The following OSBPL1A variants were observed in gnomAD, a reference collection of about 807,000 sequenced individuals.
The protein encoded by OSBPL1A is oxysterol-binding protein-related protein 1.
In OSBPL1A, 80 loss-of-function variants were observed where a neutral mutation model predicts 137.1. That is an observed-to-expected ratio of 0.58 (90% confidence interval 0.49 to 0.70). The LOEUF (loss-of-function observed/expected upper bound fraction) is 0.70. Among genes scored for constraint, OSBPL1A ranks in the 30% least tolerant of loss-of-function variants. The pLI, the probability that OSBPL1A is intolerant of heterozygous loss-of-function variation, is 0.00. For synonymous variants in OSBPL1A, 365 were observed against 389.7 expected, an observed-to-expected ratio of 0.94 and a Z score of 0.75; for missense variants, 970 against 1,129.4, an observed-to-expected ratio of 0.86 and a Z score of 2.02.
At chr18:24,230,479 G>A (rs1203351597) in intron 16 of OSBPL1A, among the ~76,000 whole-genome samples, 1 of 152,172 alleles carries the variant, frequency 6.6e-6, no homozygotes, top group Non-Finnish European at 1.5e-5. Context: ...ACAAAAACCT[G>A]TCCCTAAAAG....
At chr18:24,249,900 C>A (rs960001807) in intron 15 of OSBPL1A, among the ~76,000 whole-genome samples, 1 of 152,170 alleles carries the variant, frequency 6.6e-6, no homozygotes, top group Non-Finnish European at 1.5e-5. Context: ...GACTAGGTGG[C>A]ACCTGACCTA....
intron 18 of OSBPL1A, among the ~76,000 whole-genome samples, chr18:24,189,395 T>C (rs1311854318): frequency 2.0e-5 from 3 of 152,182 alleles, no homozygotes; most frequent in Non-Finnish European, 4.4e-5. Context: ...CAGCAGCTTG[T>C]GGGCAGGGTG....
At chr18:24,377,639 G>T in intron 1 of OSBPL1A, 104 bp from the exon 2 acceptor site, 1 of 1,174,004 alleles carries the variant, frequency 8.5e-7, no homozygotes, top group Non-Finnish European at 1.2e-6. Context: ...TTTTGCAGCT[G>T]ATAAGACAGA....
chr18:24,208,186 G>T (rs2145963034), intron 17 of OSBPL1A, among the ~76,000 whole-genome samples: 1 of 152,158 alleles, frequency 6.6e-6, no homozygotes, highest in East Asian at 1.9e-4. Flanking sequence ...AAATAAACTT[G>T]AATTCACAAA....
At chr18:24,315,178 C>T (rs1302305990) in intron 11 of OSBPL1A, among the ~76,000 whole-genome samples, 1 of 152,176 alleles carries the variant, frequency 6.6e-6, no homozygotes, top group African/African-American at 2.4e-5. Flanking sequence ...TAAGGTTTTG[C>T]ACCTGGGACT....
chr18:24,271,976 G>C lies in OSBPL1A; in HGVS notation c.1281+8866C>G, dbSNP rs1276900895. The C allele has an allele frequency of 1.9e-5, 19 of 982,016 alleles. No homozygotes were observed. The highest frequency in any genetic ancestry group is 2.3e-5 in the Non-Finnish European group (19 of 828,750). 60.8% of individuals were successfully genotyped at this position (982,016 alleles called of 1,614,324 possible). On this transcript the variant is annotated intron_variant, in intron 15 of 27. Transcript: ENST00000319481. This position sits in a 1 kb window ranked among gnomAD's most constrained non-coding sequence, Gnocchi z 4.0. Reference sequence around the variant, plus strand: ...ACCCGCCCTCCGGGGCTCGCGGGGAGAGCGCGGGCGGGCGGCGGCAAGGCC... The same window carrying C: ...ACCCGCCCTCCGGGGCTCGCGGGGACAGCGCGGGCGGGCGGCGGCAAGGCC...
intron 11 of OSBPL1A, among the ~76,000 whole-genome samples, chr18:24,315,633 ATATT>A (rs200601823): frequency 0.13 from 13,627 of 103,654 alleles, 918 homozygotes; most frequent in Non-Finnish European, 0.18. Context: ...TTAATTATAT[ATATT>A]ATATAGTAAA....
At chr18:24,310,246 G>A (rs929674541) in intron 13 of OSBPL1A, among the ~76,000 whole-genome samples, 1 of 151,684 alleles carries the variant, frequency 6.6e-6, no homozygotes, top group Non-Finnish European at 1.5e-5. Context: ...GGAATAAACT[G>A]AAAGATATAG....
At chr18:24,279,707 T>G (rs184246627) in intron 15 of OSBPL1A, among the ~76,000 whole-genome samples, 35 of 152,200 alleles carry the variant, frequency 2.3e-4, no homozygotes, top group Admixed American at 2.0e-3. Context: ...TCATAAAAAT[T>G]AGGGGAAAAA....
rs113337417 is a variant in OSBPL1A, at chr18:24,188,397, G to C, written c.1678-7118C>G. On this transcript the variant is annotated intron_variant, in intron 18 of 27. Coordinates refer to ENST00000319481, the MANE Select transcript of OSBPL1A (RefSeq NM_080597.4). ...TGAAGCCAATGACAAAGAGGGTGGT[G>C]TGAACTCTGGAGACCAAGGCACAAA... is the stretch of plus-strand genomic sequence containing the variant. Among the ~76,000 whole-genome samples, 940 of 152,332 alleles carry C rather than the reference G, an allele frequency of 6.2e-3. 11 individuals are homozygous for C. The highest frequency in any genetic ancestry group is 0.033 in the South Asian group (157 of 4,822).
intron 14 of OSBPL1A, among the ~76,000 whole-genome samples, chr18:24,289,790 C>T (rs1415858203): frequency 1.3e-5 from 2 of 152,084 alleles, no homozygotes; most frequent in African/African-American, 4.8e-5. Flanking sequence ...TTTTTACAAG[C>T]TCTGTGACCT....
intron 16 of OSBPL1A, among the ~76,000 whole-genome samples, chr18:24,234,296 G>T (rs565123683): frequency 4.6e-5 from 7 of 151,992 alleles, no homozygotes; most frequent in Non-Finnish European, 7.4e-5. Context: ...AGCTATATCC[G>T]AAATTTCACT....
intron 5 of OSBPL1A, among the ~76,000 whole-genome samples, chr18:24,338,815 G>C (rs576800445): frequency 1.3e-5 from 2 of 152,224 alleles, no homozygotes; most frequent in African/African-American, 4.8e-5. Flanking sequence ...CTGGGTTCAA[G>C]CAATTCTCCT....
intron 15 of OSBPL1A, among the ~76,000 whole-genome samples, chr18:24,251,383 C>T (rs2089091741): frequency 6.6e-6 from 1 of 152,156 alleles, no homozygotes; most frequent in Non-Finnish European, 1.5e-5. Context: ...ACCATACACC[C>T]AGTTCCAGGT....
intron 1 of OSBPL1A, among the ~76,000 whole-genome samples, chr18:24,388,129 C>G (rs1458768629): frequency 2.0e-5 from 3 of 152,206 alleles, no homozygotes; most frequent in Non-Finnish European, 2.9e-5. Flanking sequence ...GACTTGCTCT[C>G]TCCATCTCCA....
Position 24,317,391 on chromosome 18 carries a change from A to C in OSBPL1A, c.742T>G (p.Phe248Val), listed in dbSNP as rs772105292. The C allele has an allele frequency of 6.2e-7, 1 of 1,613,448 alleles. No individual in the cohort carries two copies. The highest frequency in any genetic ancestry group is 1.7e-4 in the Middle Eastern group (1 of 5,988). The part of the protein sequence containing the change: ...YEGPLWKSSR[F>V]FGWRLFWVVL... ...ACCCAGAATAATCTCCAGCCAAAAAATCTTGAACTCTAAGGGAAAAATAAC... is the reference window on the plus strand; with the variant it reads ...ACCCAGAATAATCTCCAGCCAAAAACTCTTGAACTCTAAGGGAAAAATAAC... Residue 248 changes from phenylalanine to valine, a missense_variant, in exon 10 of 28, where the codon TTT (phenylalanine) becomes GTT (valine). By Grantham distance (50) the Phe-to-Val change is conservative (BLOSUM62 -1). Around this residue, in one of 2 missense-constraint regions of OSBPL1A, gnomAD observed 647 missense variants for 672.6 expected, o/e 0.96. Coordinates refer to ENST00000319481, the MANE Select transcript of OSBPL1A (RefSeq NM_080597.4).
chr18:24,167,080 T>C (rs1007618796), intron 25 of OSBPL1A, among the ~76,000 whole-genome samples: 1 of 152,214 alleles, frequency 6.6e-6, no homozygotes, highest in African/African-American at 2.4e-5. Context: ...GCTAAGTAGC[T>C]ACTAAAGAAG....
intron 17 of OSBPL1A, among the ~76,000 whole-genome samples, chr18:24,223,472 G>T (rs1225942311): frequency 6.6e-6 from 1 of 151,958 alleles, no homozygotes; most frequent in Non-Finnish European, 1.5e-5. Flanking sequence ...TTAGTAAGTT[G>T]CATCTCATTT....
intron 1 of OSBPL1A, among the ~76,000 whole-genome samples, chr18:24,385,104 G>C (rs373508916): frequency 6.6e-6 from 1 of 151,596 alleles, no homozygotes; most frequent in Non-Finnish European, 1.5e-5. Context: ...ACAGGCGCCC[G>C]CCACCACACC....
Sources: allele counts gnomAD v4.1 joint callset (sites outside exome capture counted in the v4.1 genomes callset), GRCh38; gene constraint gnomAD v4.1.1; regional missense constraint gnomAD v4.1.1; non-coding constraint Gnocchi (gnomAD v3.1); transcripts MANE v1.5; gene names NCBI Gene and HGNC (gene_info 2026-07-23, HGNC 2026-07-21).